Variants in DDX10 observed in about 807,000 individuals in gnomAD.
DDX10 encodes the protein DEAD-box helicase 10.
DDX10 carries 74 observed loss-of-function variants against 104.3 expected under a neutral mutation model. The ratio of observed to expected loss-of-function variants is 0.71; its 90% confidence interval spans 0.59 to 0.86. The LOEUF (loss-of-function observed/expected upper bound fraction) is 0.86. Ranked by LOEUF, DDX10 falls within the 40% of genes least tolerant of loss-of-function variation. DDX10 has a pLI of 0.00. For missense variants in DDX10, 952 were observed against 1,040.0 expected (o/e 0.92, Z 1.16); for synonymous variants, 351 against 353.4 (o/e 0.99, Z 0.08).
At chr11:108,870,810 C>A (rs1863071210) in intron 16 of DDX10, among the ~76,000 whole-genome samples, 1 of 152,164 alleles carries the variant, frequency 6.6e-6, no homozygotes, top group South Asian at 2.1e-4. Flanking sequence ...GGACTTTGTT[C>A]TGTTCACTGC....
chr11:108,930,899 G>A (rs751871355), intron 17 of DDX10, among the ~76,000 whole-genome samples: 1 of 152,122 alleles, frequency 6.6e-6, no homozygotes, highest in South Asian at 2.1e-4. Flanking sequence ...CAAAGTGAAG[G>A]TTCTTACCTG....
At chr11:108,692,343 T>C (rs1333549528) in intron 8 of DDX10, among the ~76,000 whole-genome samples, 2 of 152,120 alleles carry the variant, frequency 1.3e-5, no homozygotes, top group East Asian at 1.9e-4. Flanking sequence ...TCTTTGAAAA[T>C]TGGAAACTTG....
intron 13 of DDX10, among the ~76,000 whole-genome samples, chr11:108,777,864 G>T (rs551735634): frequency 6.6e-6 from 1 of 152,120 alleles, no homozygotes; most frequent in Non-Finnish European, 1.5e-5. Flanking sequence ...TACAAAATCA[G>T]TGTGCAAAAA....
chr11:108,881,252 C>A (rs573414473), intron 16 of DDX10, among the ~76,000 whole-genome samples: 1 of 152,268 alleles, frequency 6.6e-6, no homozygotes, highest in African/African-American at 2.4e-5. Flanking sequence ...TATGACTGCC[C>A]TCCATAGGAT....
chr11:108,873,660 T>C (rs1354403304), intron 16 of DDX10, among the ~76,000 whole-genome samples: 1 of 152,170 alleles, frequency 6.6e-6, no homozygotes, highest in African/African-American at 2.4e-5. Flanking sequence ...TCATAAAACC[T>C]CTTCCCAGAG....
At chr11:108,932,057 C>T (rs1370405536) in intron 17 of DDX10, among the ~76,000 whole-genome samples, 1 of 151,644 alleles carries the variant, frequency 6.6e-6, no homozygotes, top group Non-Finnish European at 1.5e-5. Context: ...AGGGATCTAC[C>T]CTTTTTCCTC....
At chr11:108,722,353 G>C (rs2094299334) in intron 12 of DDX10, among the ~76,000 whole-genome samples, 1 of 152,176 alleles carries the variant, frequency 6.6e-6, no homozygotes, top group African/African-American at 2.4e-5. Context: ...TTTGATCCAA[G>C]CTGGGAAAGA....
chr11:108,699,766 C>T (rs542835160), intron 9 of DDX10, among the ~76,000 whole-genome samples: 1 of 152,242 alleles, frequency 6.6e-6, no homozygotes, highest in Non-Finnish European at 1.5e-5. Context: ...CCACACCCAA[C>T]GTCAAATTTT....
intron 6 of DDX10, among the ~76,000 whole-genome samples, chr11:108,688,725 T>C (rs899354281): frequency 6.6e-6 from 1 of 152,232 alleles, no homozygotes; most frequent in African/African-American, 2.4e-5. Flanking sequence ...TTGTTTGACA[T>C]TGATTTACAA....
chr11:108,769,192 T>C (rs1163592516), intron 13 of DDX10, among the ~76,000 whole-genome samples: 1 of 150,542 alleles, frequency 6.6e-6, no homozygotes, highest in East Asian at 1.9e-4. Context: ...ATTATCAAGT[T>C]TTTTTTTTTT....
At chr11:108,833,580 A>C (rs1232847509) in intron 13 of DDX10, among the ~76,000 whole-genome samples, 1 of 152,222 alleles carries the variant, frequency 6.6e-6, no homozygotes, top group Admixed American at 6.5e-5. Flanking sequence ...AACAAATAAA[A>C]AGTTTTACTT....
chr11:108,684,487 G>A (rs1269231235), intron 6 of DDX10, among the ~76,000 whole-genome samples: 1 of 149,152 alleles, frequency 6.7e-6, no homozygotes, highest in Admixed American at 6.7e-5. Context: ...TACTGAGAAT[G>A]ATGGTTTCCA....
chr11:108,752,603 G>T (rs1393806372), intron 13 of DDX10, among the ~76,000 whole-genome samples: 1 of 152,116 alleles, frequency 6.6e-6, no homozygotes, highest in East Asian at 1.9e-4. Context: ...TCATGAATCA[G>T]TTGGAACAAT....
At position 108,720,694 on chromosome 11, in the gene DDX10, G is replaced by C. The variant is rs4753848; in HGVS notation, c.1499+809G>C. ...CATCCTTGACCTCCCAGGCTTAGGTGATCCTCTCATCTCAGCCTCCTGAGT... is the reference window on the plus strand; with the variant it reads ...CATCCTTGACCTCCCAGGCTTAGGTCATCCTCTCATCTCAGCCTCCTGAGT... On this transcript the variant is annotated intron_variant, in intron 12 of 17. Coordinates refer to ENST00000322536, the MANE Select transcript of DDX10 (RefSeq NM_004398.4). Among the ~76,000 whole-genome samples the C allele has an allele frequency of 3.6e-3, 544 of 152,096 alleles. 1 individual carries two copies. Among genetic ancestry groups the C allele is most frequent in the Middle Eastern group, 0.014 (4 of 292 alleles).
chr11:108,773,140 A>G (rs752962553), intron 13 of DDX10, among the ~76,000 whole-genome samples: 2 of 152,222 alleles, frequency 1.3e-5, no homozygotes, highest in Non-Finnish European at 2.9e-5. Flanking sequence ...AGTTCCTTTT[A>G]TTAATACATA....
chr11:108,903,997 T>C (rs1863554825), intron 16 of DDX10, among the ~76,000 whole-genome samples: 1 of 152,196 alleles, frequency 6.6e-6, no homozygotes, highest in Non-Finnish European at 1.5e-5. Context: ...AGATTTCCTA[T>C]TTTCCAAAGC....
intron 6 of DDX10, among the ~76,000 whole-genome samples, chr11:108,681,202 C>T (rs1466427184): frequency 6.6e-6 from 1 of 151,972 alleles, no homozygotes; most frequent in Non-Finnish European, 1.5e-5. Context: ...TTTCCTATCC[C>T]CAATTTCTGT....
chr11:108,711,781 T>A (rs552633840), intron 10 of DDX10, among the ~76,000 whole-genome samples: 1 of 152,228 alleles, frequency 6.6e-6, no homozygotes, highest in Non-Finnish European at 1.5e-5. Flanking sequence ...ATGTGTATTA[T>A]GTTGTTGGAT....
chr11:108,764,759 T>C (rs2094354521), intron 13 of DDX10, among the ~76,000 whole-genome samples: 1 of 152,232 alleles, frequency 6.6e-6, no homozygotes, highest in Admixed American at 6.5e-5. Context: ...AGGTTTAGCA[T>C]GGAATGTATT....
Sources: allele counts gnomAD v4.1 joint callset (sites outside exome capture counted in the v4.1 genomes callset), GRCh38; gene constraint gnomAD v4.1.1; transcripts MANE v1.5; gene names NCBI Gene and HGNC (gene_info 2026-07-23, HGNC 2026-07-21).